ECEL1: variants seen among roughly 807,000 people sequenced by gnomAD.
The protein encoded by ECEL1 is endothelin-converting enzyme-like 1.
A neutral mutation model predicts 101.8 loss-of-function variants in ECEL1; 87 were observed. That is an observed-to-expected ratio of 0.85 (90% CI 0.72 to 1.02). The LOEUF (loss-of-function observed/expected upper bound fraction) is 1.02. Among genes scored for constraint, ECEL1 ranks in the 50% least tolerant of loss-of-function variants. The probability of loss-of-function intolerance (pLI) is 0.00; values close to 1 mark genes in which losing one functional copy is unlikely to be tolerated. For missense variants in ECEL1, 1,032 were observed against 1,079.2 expected, an observed-to-expected ratio of 0.96 and a Z score of 0.61; for synonymous variants, 487 against 468.7, an observed-to-expected ratio of 1.04 and a Z score of -0.50.
In ECEL1 at chr2:232,484,084, A is replaced by T; in HGVS notation, c.1324T>A (p.Leu442Met). ...CCAAAGTGGCGATTGGCCTGGCCCA[A>T]GCAGACCCGGGCCAGCTCCTGTGGC... Reference protein sequence around the residue: ...DKPQELARVCLGQANRHFGMA... With the variant: ...DKPQELARVCMGQANRHFGMA... The change falls in exon 7 of 18, where the codon TTG becomes ATG. Residue 442 changes from leucine to methionine, a missense_variant. Leu to Met is a conservative substitution (Grantham distance 15, BLOSUM62 2). Coordinates refer to ENST00000304546, the MANE Select transcript of ECEL1 (RefSeq NM_004826.4). The T allele has an allele frequency of 1.2e-6, 2 of 1,613,848 alleles. No homozygotes were observed. Among genetic ancestry groups the T allele is most frequent in the Non-Finnish European group, 1.7e-6 (2 of 1,179,966 alleles).
Position 232,484,187 on chromosome 2 carries a change from C to A in ECEL1, c.1221G>T (p.Val407=). ...GCGGGGACAGGTGTTCACTCAGGAC[C>A]ACCACCACGCGCCACACCAGGTAGT... is the stretch of plus-strand genomic sequence containing the variant. ...LHNYLVWRVV[V]VLSEHLSPPF... The change falls in exon 7 of 18, where the codon GTG becomes GTT. Residue 407 remains valine (V), a synonymous_variant. Transcript: ENST00000304546. 1 of 1,613,090 alleles carries A rather than the reference C, an allele frequency of 6.2e-7. No individual in the cohort carries two copies. Among genetic ancestry groups the A allele is most frequent in the Non-Finnish European group, 8.5e-7 (1 of 1,179,880 alleles).
At chr2:232,482,512 G>A (rs1179578230) in intron 11 of ECEL1, 38 bp downstream of exon 11, 2 of 1,613,920 alleles carry the variant, frequency 1.2e-6, no homozygotes, top group Non-Finnish European at 1.7e-6. Context: ...TCCACTTTCG[G>A]ACCCTGCCCC....
chr2:232,485,289 A>G (rs1271383989), intron 2 of ECEL1, 22 bp from the exon 3 acceptor site: 1 of 1,612,002 alleles, frequency 6.2e-7, no homozygotes. Context: ...GACAGGGGCC[A>G]CAGGTCAGAG....
Position 232,485,929 on chromosome 2 carries a change from G to T in ECEL1, c.725C>A (p.Ala242Asp), listed in dbSNP as rs746718992. The T allele has an allele frequency of 6.3e-7, 1 of 1,576,804 alleles. No individual in the cohort carries two copies. Among genetic ancestry groups the T allele is most frequent in the Admixed American group, 1.8e-5 (1 of 55,000 alleles). The change falls in exon 2 of 18, where the codon GCC becomes GAC. Residue 242 changes from alanine to aspartate, a missense_variant. Physicochemically the swap from Ala to Asp is moderately radical, Grantham distance 126. Coordinates refer to ENST00000304546, the MANE Select transcript of ECEL1 (RefSeq NM_004826.4). ...LYKAQGVYSAAALFSLTVSLD... is the reference protein window; with the variant it reads ...LYKAQGVYSADALFSLTVSLD... ...GCTGACCGTGAGCGAGAAGAGCGCG[G>T]CGGCGCTGTACACGCCCTGCGCCTT...
rs1484934426 is a variant in ECEL1 at position 232,484,195 on chromosome 2, C to T, written c.1213G>A (p.Val405Met). ...RVLHNYLVWR[V>M]VVVLSEHLSP... Reference sequence around the variant, plus strand: ...AGGTGTTCACTCAGGACCACCACCACGCGCCACACCAGGTAGTTGTGCAGG... The same window carrying T: ...AGGTGTTCACTCAGGACCACCACCATGCGCCACACCAGGTAGTTGTGCAGG... The change falls in exon 7 of 18, where the codon GTG becomes ATG. Residue 405 changes from valine to methionine, a missense_variant. Coordinates refer to ENST00000304546, the MANE Select transcript of ECEL1 (RefSeq NM_004826.4). 4.3e-6 allele frequency: 7 copies of T among 1,612,836 alleles called. No individual in the cohort carries two copies. The highest frequency in any genetic ancestry group is 1.7e-5 in the Admixed American group (1 of 60,010).
intron 10 of ECEL1, 46 bp from the exon 11 acceptor site, chr2:232,482,654 C>G: frequency 6.3e-7 from 1 of 1,576,640 alleles, no homozygotes. Flanking sequence ...ACTCCCTCCC[C>G]CGCTACCCTC....
chr2:232,481,274 G>A, intron 14 of ECEL1, 118 bp from the exon 15 acceptor site: 2 of 1,381,900 alleles, frequency 1.4e-6, no homozygotes, highest in South Asian at 2.7e-5. Flanking sequence ...CTTGCCCAGA[G>A]AGTTTGAGGG....
chr2:232,487,164 G>C (rs1331115559), intron 1 of ECEL1, among the ~76,000 whole-genome samples: 2 of 152,206 alleles, frequency 1.3e-5, no homozygotes, highest in African/African-American at 2.4e-5. Context: ...GCGTCTATGC[G>C]ACACTTTCAG....
intron 1 of ECEL1, among the ~76,000 whole-genome samples, chr2:232,487,515 T>A (rs1371347634): frequency 6.6e-6 from 1 of 150,780 alleles, no homozygotes; most frequent in Non-Finnish European, 1.5e-5. Context: ...GGGAGCGAGC[T>A]GGCTGGCGAC....
rs559529084 is a variant in ECEL1, at chr2:232,484,118, G to T, written c.1290C>A (p.Gly430=). Residue 430 remains glycine (G), a synonymous_variant, in exon 7 of 18, where the codon GGC becomes GGA. Transcript: ENST00000304546. ...GGGCCAGCTCCTGTGGCTTGTCGCT[G>T]CCCTCCATCTCCTGTGCCAGCTCGT... ...ALHELAQEME[G]SDKPQELARV... is the part of the protein sequence containing the mutation. The T allele has an allele frequency of 1.1e-5, 17 of 1,613,728 alleles. No individual in the cohort carries two copies. The East Asian group carries it at 3.6e-4, about 34-fold the overall frequency.
chr2:232,484,341 C>G, intron 6 of ECEL1, 118 bp from the exon 7 acceptor site: 2 of 1,561,784 alleles, frequency 1.3e-6, no homozygotes, highest in Non-Finnish European at 1.7e-6. Flanking sequence ...GACAGCCCCA[C>G]AAAGAAGGGA....
intron 16 of ECEL1, 114 bp downstream of exon 16, chr2:232,480,604 A>T: frequency 6.7e-7 from 1 of 1,490,222 alleles, no homozygotes; most frequent in African/African-American, 1.4e-5. Context: ...CTGACGGGAC[A>T]GGTGATGACA....
chr2:232,484,709 G>T, intron 5 of ECEL1, 92 bp downstream of exon 5: 1 of 1,603,860 alleles, frequency 6.2e-7, no homozygotes, highest in Admixed American at 1.7e-5. Flanking sequence ...CCAAGGAACG[G>T]TTTGCCCATC....
At position 232,482,871 on chromosome 2, in the gene ECEL1, C is replaced by A. The variant is rs61731717; in HGVS notation, c.1665G>T (p.Arg555=). The part of the protein sequence containing the change: ...FSIQLSVKKI[R]QEVDKSTWLL... ...CCCACGTGGACTTGTCCACCTCCTG[C>A]CGAATCTTCTTAACTGAGAGCTGGA... is the stretch of plus-strand genomic sequence containing the variant. Residue 555 remains arginine, a synonymous_variant, in exon 10 of 18, where the codon CGG becomes CGT. Transcript: ENST00000304546. 1 of 1,614,148 alleles carries A rather than the reference C, an allele frequency of 6.2e-7. No individual in the cohort carries two copies.
At chr2:232,483,066 G>C (rs1431361362) in intron 9 of ECEL1, 39 bp downstream of exon 9, 1 of 1,612,044 alleles carries the variant, frequency 6.2e-7, no homozygotes, top group Admixed American at 1.7e-5. Flanking sequence ...GTTAGTAGAG[G>C]GGCTGTGGAC....
Position 232,483,276 on chromosome 2 carries a change from T to A in ECEL1, c.1507-97A>T, listed in dbSNP as rs1297580294. On this transcript the variant is annotated intron_variant, in intron 8 of 17. Transcript: ENST00000304546. ...CAAGGAAGGGAGCACTAGGCCAGCC[T>A]GGGAGTGGGCTTCACAGTGGGGGAG... 12 of 1,349,780 alleles carry A rather than the reference T, an allele frequency of 8.9e-6. No homozygotes were observed. In the Admixed American group the frequency reaches 1.6e-4, roughly 18 times the overall value. 83.6% of individuals were successfully genotyped at this position (1,349,780 alleles called of 1,614,324 possible).
chr2:232,487,030 T>C (rs1414747630), intron 1 of ECEL1, among the ~76,000 whole-genome samples: 1 of 152,182 alleles, frequency 6.6e-6, no homozygotes, highest in Non-Finnish European at 1.5e-5. Context: ...TGGCACGTAG[T>C]GGGCCTTCAT....
At position 232,480,043 on chromosome 2, in the gene ECEL1, A is replaced by G. The variant is rs934869037; in HGVS notation, c.*110T>C. Reference sequence around the variant, plus strand: ...GGGACCGGGTCCTGGAGGGGCTGGAAGGCAGGTGGTGCCCAGAGCGGGGCT... The same window carrying G: ...GGGACCGGGTCCTGGAGGGGCTGGAGGGCAGGTGGTGCCCAGAGCGGGGCT... On this transcript the variant is annotated 3_prime_UTR_variant, in exon 18 of 18. Transcript: ENST00000304546. 2.8e-5 allele frequency: 30 copies of G among 1,059,826 alleles called. No homozygotes were observed. Among genetic ancestry groups the G allele is most frequent in the Non-Finnish European group, 4.1e-5 (29 of 714,288 alleles). The allele number at this position is 1,059,826 out of a possible 1,614,324, so 65.7% of individuals were successfully genotyped here.
intron 12 of ECEL1, among the ~76,000 whole-genome samples, chr2:232,482,186 A>G (rs1690598545): frequency 6.6e-6 from 1 of 152,328 alleles, no homozygotes; most frequent in African/African-American, 2.4e-5. Flanking sequence ...AAACATCAAA[A>G]TGAGCCTCAA....
Sources: allele counts gnomAD v4.1 joint callset (sites outside exome capture counted in the v4.1 genomes callset), GRCh38; gene constraint gnomAD v4.1.1; transcripts MANE v1.5; gene names NCBI Gene and HGNC (gene_info 2026-07-23, HGNC 2026-07-21).